The following C3orf20 variants were observed in gnomAD, a reference collection of about 807,000 sequenced individuals.
C3orf20 encodes family with sequence similarity 149 member C.
In C3orf20, 76 loss-of-function variants were observed where a neutral mutation model predicts 88.3. The ratio of observed to expected loss-of-function variants is 0.86; its 90% confidence interval spans 0.72 to 1.04. The LOEUF (loss-of-function observed/expected upper bound fraction) is 1.04, where lower values mean the gene tolerates loss of function less well. Among genes scored for constraint, C3orf20 ranks in the 50% least tolerant of loss-of-function variants. The pLI is 0.00. For synonymous variants in C3orf20, 436 were observed against 437.4 expected (o/e 1.00, Z 0.04); for missense variants, 1,056 against 1,123.3 (o/e 0.94, Z 0.86).
chr3:14,757,755 A>G, intron 13 of C3orf20, 81 bp downstream of exon 13: 1 of 1,367,716 alleles, frequency 7.3e-7, no homozygotes, highest in African/African-American at 1.5e-5. Context: ...CCACAGTGCT[A>G]GGACTGGCTG....
intron 15 of C3orf20, 32 bp downstream of exon 15, chr3:14,761,647 G>T: frequency 6.2e-7 from 1 of 1,612,964 alleles, no homozygotes; most frequent in Non-Finnish European, 8.5e-7. Context: ...ATGAGGGATG[G>T]GCCTGGGGAG....
intron 12 of C3orf20, among the ~76,000 whole-genome samples, chr3:14,737,152 C>T (rs975221366): frequency 6.6e-6 from 1 of 151,910 alleles, no homozygotes; most frequent in Non-Finnish European, 1.5e-5. Flanking sequence ...TGATATGATG[C>T]TTTCATTATT....
intron 15 of C3orf20, 103 bp from the exon 16 acceptor site, chr3:14,771,964 A>T: frequency 7.0e-7 from 1 of 1,436,716 alleles, no homozygotes; most frequent in Non-Finnish European, 9.5e-7. Context: ...CAGGAGGAGA[A>T]GCACTTGTGT....
chr3:14,683,781 C>T (rs1000791357), intron 3 of C3orf20, among the ~76,000 whole-genome samples: 1 of 148,782 alleles, frequency 6.7e-6, no homozygotes, highest in African/African-American at 2.5e-5. Flanking sequence ...AAGGCCAAGG[C>T]AGGAGAATCG....
At chr3:14,683,575 G>A (rs2032228516) in intron 3 of C3orf20, among the ~76,000 whole-genome samples, 1 of 151,936 alleles carries the variant, frequency 6.6e-6, no homozygotes, top group African/African-American at 2.4e-5. Context: ...ACAAGGGGGA[G>A]TCATAAGAAC....
chr3:14,722,489 A>G, intron 10 of C3orf20: 1 of 456,726 alleles, frequency 2.2e-6, no homozygotes, highest in Non-Finnish European at 4.4e-6. Flanking sequence ...TGCTGTTACC[A>G]GGAGAAGAAA....
At chr3:14,723,979 C>T (rs572941247) in intron 10 of C3orf20, among the ~76,000 whole-genome samples, 1 of 152,160 alleles carries the variant, frequency 6.6e-6, no homozygotes, top group East Asian at 1.9e-4. Context: ...ACCACCACAC[C>T]AGCTCATTTT....
intron 15 of C3orf20, among the ~76,000 whole-genome samples, chr3:14,762,667 T>A (rs1160845164): frequency 6.6e-6 from 1 of 152,174 alleles, no homozygotes; most frequent in African/African-American, 2.4e-5. Flanking sequence ...AAGAGCTTTG[T>A]GAACTGTGAA....
intron 14 of C3orf20, 52 bp from the exon 15 acceptor site, chr3:14,761,421 A>G: frequency 1.2e-6 from 2 of 1,608,620 alleles, no homozygotes; most frequent in South Asian, 2.2e-5. Flanking sequence ...ATCAGTGGAC[A>G]CTGCTGTGCT....
Position 14,728,347 on chromosome 3 carries a change from C to T in C3orf20, c.1691-92C>T, listed in dbSNP as rs563915466. Reference sequence around the variant, plus strand: ...GCGGAGGGGAGGAGATGGGGGTGAGCCAAGGTGCACTTAGATGTTTCCAGT... The same window carrying T: ...GCGGAGGGGAGGAGATGGGGGTGAGTCAAGGTGCACTTAGATGTTTCCAGT... On this transcript the variant is annotated intron_variant, in intron 11 of 16. Transcript: ENST00000253697. 2.0e-6 allele frequency: 3 copies of T among 1,522,926 alleles called. No homozygotes were observed. The African/African-American group carries it at 4.1e-5, about 21-fold the overall frequency. The allele number at this position is 1,522,926 out of a possible 1,614,324, so 94.3% of individuals were successfully genotyped here. A position where few individuals can be genotyped will look rare whatever the true frequency, so the allele number is the denominator to read the frequency against.
Position 14,703,252 on chromosome 3 carries a change from T to C in C3orf20, c.868T>C (p.Cys290Arg), listed in dbSNP as rs867787481. The change falls in exon 6 of 17, where the codon TGT becomes CGT. Residue 290 changes from cysteine (C) to arginine (R), a missense_variant. Physicochemically the swap from Cys to Arg is radical, Grantham distance 180. Coordinates refer to ENST00000253697, the MANE Select transcript of C3orf20 (RefSeq NM_032137.5). ...PEAREKLQEL[C>R]RHIEAERATW... ...GGCCCGGGAGAAGCTGCAGGAGTTGTGTCGCCACATGTGAGCACCTCAGTG... is the reference window on the plus strand; with the variant it reads ...GGCCCGGGAGAAGCTGCAGGAGTTGCGTCGCCACATGTGAGCACCTCAGTG... The C allele has an allele frequency of 6.2e-7, 1 of 1,614,126 alleles. No homozygotes were observed. The highest frequency in any genetic ancestry group is 1.3e-5 in the African/African-American group (1 of 75,068).
chr3:14,738,012 T>C (rs964590628), intron 12 of C3orf20, among the ~76,000 whole-genome samples: 4 of 152,194 alleles, frequency 2.6e-5, no homozygotes, highest in Non-Finnish European at 5.9e-5. Flanking sequence ...CCACTTCTAA[T>C]TCTAGCTTTG....
At chr3:14,733,673 T>C (rs151097345) in intron 12 of C3orf20, among the ~76,000 whole-genome samples, 233 of 152,138 alleles carry the variant, frequency 1.5e-3, no homozygotes, top group African/African-American at 5.4e-3. Flanking sequence ...TTTATCTAAA[T>C]GTTTAAATAT....
intron 3 of C3orf20, 140 bp from the exon 4 acceptor site, chr3:14,684,102 A>T: frequency 8.8e-7 from 1 of 1,137,718 alleles, no homozygotes; most frequent in Non-Finnish European, 1.2e-6. Flanking sequence ...AGCCTTTCAC[A>T]GTAGCCCCCT....
intron 5 of C3orf20, among the ~76,000 whole-genome samples, chr3:14,702,778 C>G (rs939644752): frequency 1.2e-4 from 18 of 152,094 alleles, no homozygotes; most frequent in African/African-American, 4.3e-4. Flanking sequence ...GCGTTCCCAA[C>G]AGTCCCCCAA....
At chr3:14,743,062 C>A (rs181561618) in intron 12 of C3orf20, among the ~76,000 whole-genome samples, 1 of 152,028 alleles carries the variant, frequency 6.6e-6, no homozygotes, top group East Asian at 1.9e-4. Flanking sequence ...TTAATCATGC[C>A]TTCCCAACAG....
intron 12 of C3orf20, among the ~76,000 whole-genome samples, chr3:14,735,848 G>C (rs570551315): frequency 2.6e-5 from 4 of 152,108 alleles, no homozygotes; most frequent in Non-Finnish European, 5.9e-5. Context: ...ACCTGCCTCA[G>C]CCTCCCAAAG....
chr3:14,705,178 G>C (rs2033448800), intron 7 of C3orf20, among the ~76,000 whole-genome samples: 1 of 152,220 alleles, frequency 6.6e-6, no homozygotes, highest in Admixed American at 6.5e-5. Context: ...TCCCAACCTT[G>C]GATGTGGGAG....
intron 15 of C3orf20, among the ~76,000 whole-genome samples, chr3:14,763,157 G>T (rs958296303): frequency 1.3e-5 from 2 of 152,198 alleles, no homozygotes; most frequent in Non-Finnish European, 2.9e-5. Flanking sequence ...CTGAAGATGA[G>T]CTGAGGCTGC....
Sources: allele counts gnomAD v4.1 joint callset (sites outside exome capture counted in the v4.1 genomes callset), GRCh38; gene constraint gnomAD v4.1.1; transcripts MANE v1.5; gene names NCBI Gene and HGNC (gene_info 2026-07-23, HGNC 2026-07-21).